The following LECT2 variants were observed in gnomAD, a reference collection of about 807,000 sequenced individuals.
LECT2 encodes the protein leukocyte cell derived chemotaxin 2, also known as leukocyte cell-derived chemotaxin-2.
Under a neutral mutation model 16.6 loss-of-function variants are expected in LECT2, and 11 were observed. The observed-to-expected ratio is 0.66, with a 90% CI of 0.42 to 1.09. LECT2 has a LOEUF of 1.09. LECT2 is among the 50% of genes least tolerant of loss of function. LECT2 has a pLI of 0.00. For missense variants in LECT2, 173 were observed against 184.2 expected, an observed-to-expected ratio of 0.94 and a Z score of 0.35; for synonymous variants, 54 against 64.8, an observed-to-expected ratio of 0.83 and a Z score of 0.80.
chr5:135,951,489 A>G (rs542999631), intron 2 of LECT2, 121 bp from the exon 3 acceptor site: 32 of 899,822 alleles, frequency 3.6e-5, no homozygotes, highest in Non-Finnish European at 4.5e-5. Context: ...CTGCCAGAAC[A>G]TGTTGGGATG....
rs868083397 is a variant in LECT2 at position 135,951,280 on chromosome 5, C to T, written c.232G>A (p.Glu78Lys). The T allele has an allele frequency of 1.9e-6, 3 of 1,614,152 alleles. No individual in the cohort carries two copies. The highest frequency in any genetic ancestry group is 1.7e-5 in the Admixed American group (1 of 60,024). ...APFTGMIVGQ[E>K]KPYQNKNAIN... Reference sequence around the variant, plus strand: ...GCATTCTTGTTTTGATAAGGTTTCTCCTGGCCCACAATCATTCCAGTGAAT... The same window carrying T: ...GCATTCTTGTTTTGATAAGGTTTCTTCTGGCCCACAATCATTCCAGTGAAT... Residue 78 changes from glutamate to lysine, a missense_variant, in exon 3 of 4, where the codon GAG becomes AAG. Physicochemically the swap from Glu to Lys is moderately conservative, Grantham distance 56 (BLOSUM62 1). Transcript: ENST00000274507.
Position 135,951,444 on chromosome 5 carries a change from C to T in LECT2, c.144-76G>A, listed in dbSNP as rs985672238. 4.4e-6 allele frequency: 6 copies of T among 1,374,990 alleles called. No individual in the cohort carries two copies. The Admixed American group carries it at 1.2e-4, about 27-fold the overall frequency. 85.2% of individuals were successfully genotyped at this position (1,374,990 alleles called of 1,614,324 possible). A position where few individuals can be genotyped will look rare whatever the true frequency, so the allele number is the denominator to read the frequency against. On this transcript the variant is annotated intron_variant, in intron 2 of 3. Coordinates refer to ENST00000274507, the MANE Select transcript of LECT2 (RefSeq NM_002302.3). ...TTACTGCCTGGGAACATGGTGTTAG[C>T]CCACTGTTTGCAGACGAGGTACCAA...
chr5:135,947,876 G>C (rs960462248), intron 3 of LECT2, among the ~76,000 whole-genome samples: 4 of 152,054 alleles, frequency 2.6e-5, no homozygotes, highest in Non-Finnish European at 5.9e-5. Flanking sequence ...GAATTAAAAA[G>C]GCAAAGACCC....
At chr5:135,951,079 G>T in intron 3 of LECT2, 144 bp downstream of exon 3, 2 of 808,678 alleles carry the variant, frequency 2.5e-6, no homozygotes, top group Non-Finnish European at 3.9e-6. Flanking sequence ...GCATCAGCTA[G>T]TTTGGGTACA....
At chr5:135,953,391 G>T (rs180684085) in intron 1 of LECT2, among the ~76,000 whole-genome samples, 1 of 152,096 alleles carries the variant, frequency 6.6e-6, no homozygotes, top group Non-Finnish European at 1.5e-5. Context: ...TAGTAGAGAC[G>T]GAGTTTCACC....
chr5:135,947,338 T>C lies in LECT2; in HGVS notation c.449A>G (p.Tyr150Cys), dbSNP rs944660715. 1.9e-6 allele frequency: 3 copies of C among 1,613,506 alleles called. No individual in the cohort carries two copies. Among genetic ancestry groups the C allele is most frequent in the Admixed American group, 3.3e-5 (2 of 59,966 alleles). Residue 150 changes from tyrosine (Y) to cysteine (C), a missense_variant, in exon 4 of 4, where the codon TAC (tyrosine) becomes TGC (cysteine). By Grantham distance (194) the Tyr-to-Cys change is radical. Coordinates refer to ENST00000274507, the MANE Select transcript of LECT2 (RefSeq NM_002302.3). ...TGACCATTGGCCTTCGATTTACAGG[T>C]ATGCAGTAGGGTCACTCGAGTCACA... ...ENCDSSDPTA[Y>C]L
At chr5:135,948,676 ATT>A (rs1340952805) in intron 3 of LECT2, among the ~76,000 whole-genome samples, 1 of 148,510 alleles carries the variant, frequency 6.7e-6, no homozygotes, top group African/African-American at 2.5e-5. Context: ...AATAATAATT[ATT>A]ATTATTATTT....
In LECT2 at chr5:135,947,125, G is replaced by T. The variant is rs1406915757; in HGVS notation, c.*206C>A. On this transcript the variant is annotated 3_prime_UTR_variant, in exon 4 of 4. Coordinates refer to ENST00000274507, the MANE Select transcript of LECT2 (RefSeq NM_002302.3). ...TCCTTTTTTTAATTAAAAAATTTTT[G>T]TGGGTACATAGGTGTATTTGTTTAT... The T allele has an allele frequency of 2.6e-6, 1 of 381,210 alleles. No homozygotes were observed. The highest frequency in any genetic ancestry group is 4.4e-5 in the Admixed American group (1 of 22,808). 23.6% of individuals were successfully genotyped at this position (381,210 alleles called of 1,614,324 possible).
In LECT2 at chr5:135,947,231, C is replaced by A; in HGVS notation, c.*100G>T. On this transcript the variant is annotated 3_prime_UTR_variant, in exon 4 of 4. Coordinates refer to ENST00000274507, the MANE Select transcript of LECT2 (RefSeq NM_002302.3). Reference sequence around the variant, plus strand: ...AAAATGGGGTATCCATCCCTTCATGCATTTTTCCTTTGTGAACACAAATTT... The same window carrying A: ...AAAATGGGGTATCCATCCCTTCATGAATTTTTCCTTTGTGAACACAAATTT... The A allele has an allele frequency of 2.7e-6, 3 of 1,092,158 alleles. No homozygotes were observed. The highest frequency in any genetic ancestry group is 2.0e-5 in the Admixed American group (1 of 49,082). The allele number at this position is 1,092,158 out of a possible 1,614,324, so 67.7% of individuals were successfully genotyped here.
At chr5:135,947,952 G>A (rs968325753) in intron 3 of LECT2, among the ~76,000 whole-genome samples, 1 of 152,192 alleles carries the variant, frequency 6.6e-6, no homozygotes, top group Non-Finnish European at 1.5e-5. Flanking sequence ...AAATACAGGA[G>A]TCATGTCTAT....
At chr5:135,951,876 G>T (rs977209849) in intron 2 of LECT2, among the ~76,000 whole-genome samples, 1 of 152,194 alleles carries the variant, frequency 6.6e-6, no homozygotes, top group Non-Finnish European at 1.5e-5. Context: ...GTTTATTAAA[G>T]TGCATGGAGC....
intron 3 of LECT2, among the ~76,000 whole-genome samples, chr5:135,949,090 G>A (rs1763748681): frequency 6.6e-6 from 1 of 152,148 alleles, no homozygotes; most frequent in Non-Finnish European, 1.5e-5. Flanking sequence ...CAAAAGATGT[G>A]CAAGACCTCT....
chr5:135,953,032 A>G (rs1580674949), intron 1 of LECT2, 65 bp from the exon 2 acceptor site: 3 of 1,047,356 alleles, frequency 2.9e-6, no homozygotes, highest in Non-Finnish European at 4.5e-6. Context: ...CATTTGCCTT[A>G]TCAGTCACAC....
At position 135,947,236 on chromosome 5, in the gene LECT2, T is replaced by C. The variant is rs1487842322; in HGVS notation, c.*95A>G. 8.4e-7 allele frequency: 1 copy of C among 1,186,184 alleles called. No homozygotes were observed. Among genetic ancestry groups the C allele is most frequent in the African/African-American group, 1.5e-5 (1 of 65,586 alleles). 73.5% of individuals were successfully genotyped at this position (1,186,184 alleles called of 1,614,324 possible). A position where few individuals can be genotyped will look rare whatever the true frequency, so the allele number is the denominator to read the frequency against. On this transcript the variant is annotated 3_prime_UTR_variant, in exon 4 of 4. Coordinates refer to ENST00000274507, the MANE Select transcript of LECT2 (RefSeq NM_002302.3). ...GGGGTATCCATCCCTTCATGCATTT[T>C]TCCTTTGTGAACACAAATTTCTTGA...
Position 135,954,914 on chromosome 5 carries a change from A to G in LECT2, c.-81T>C. ...TTGAAGAATATTCAAGTTTGAATGA[A>G]TACTTCCTAGCTATTTAGCCTTAGA... On this transcript the variant is annotated 5_prime_UTR_variant, in exon 1 of 4. Coordinates refer to ENST00000274507, the MANE Select transcript of LECT2 (RefSeq NM_002302.3). 9.8e-7 allele frequency: 1 copy of G among 1,017,096 alleles called. No individual in the cohort carries two copies. Among genetic ancestry groups the G allele is most frequent in the Non-Finnish European group, 1.6e-6 (1 of 643,576 alleles). The allele number at this position is 1,017,096 out of a possible 1,614,324, so 63.0% of individuals were successfully genotyped here.
At chr5:135,948,089 G>A (rs886693761) in intron 3 of LECT2, among the ~76,000 whole-genome samples, 81 of 149,498 alleles carry the variant, frequency 5.4e-4, no homozygotes, top group African/African-American at 1.8e-3. Flanking sequence ...GCTGGACAAA[G>A]ATTTGCCAAG....
intron 3 of LECT2, among the ~76,000 whole-genome samples, chr5:135,948,471 A>G (rs1763734095): frequency 6.6e-6 from 1 of 152,162 alleles, no homozygotes; most frequent in South Asian, 2.1e-4. Context: ...AAGGTAGTTA[A>G]TATGAATTGA....
At position 135,951,305 on chromosome 5, in the gene LECT2, TG is replaced by T; in HGVS notation, c.206del (p.Pro69HisfsTer5). 6.2e-7 allele frequency: 1 copy of T among 1,613,986 alleles called. No homozygotes were observed. The highest frequency in any genetic ancestry group is 8.5e-7 in the Non-Finnish European group (1 of 1,179,810). On this transcript the variant is annotated frameshift_variant, in exon 3 of 4. Transcript: ENST00000274507. LOFTEE classifies it high-confidence loss of function. The part of the protein sequence containing the change: ...LCSAGSTVYA[P>X]FTGMIVGQEK... Reference sequence around the variant, plus strand: ...CCTGGCCCACAATCATTCCAGTGAATGGTGCGTACACAGTAGATCCAGCAGA... The same window carrying T: ...CCTGGCCCACAATCATTCCAGTGAATGTGCGTACACAGTAGATCCAGCAGA...
At chr5:135,954,726 T>C (rs1255169186) in intron 1 of LECT2, 62 bp downstream of exon 1, 16 of 1,174,156 alleles carry the variant, frequency 1.4e-5, no homozygotes, top group Non-Finnish European at 2.1e-5. Flanking sequence ...ATCTTTTTAG[T>C]CTTCCCCTGA....
Sources: allele counts gnomAD v4.1 joint callset (sites outside exome capture counted in the v4.1 genomes callset), GRCh38; gene constraint gnomAD v4.1.1; transcripts MANE v1.5; gene names NCBI Gene and HGNC (gene_info 2026-07-23, HGNC 2026-07-21).